The following FGF18 variants were observed in gnomAD, a reference collection of about 807,000 sequenced individuals.
FGF18 encodes the protein fibroblast growth factor 18.
In FGF18, 5 loss-of-function variants were observed where a neutral mutation model predicts 23.0. The ratio of observed to expected loss-of-function variants is 0.22; its 90% CI spans 0.11 to 0.46. The LOEUF (loss-of-function observed/expected upper bound fraction) is 0.46. FGF18 is among the 20% of genes least tolerant of loss of function. The pLI, the probability that FGF18 is intolerant of heterozygous loss-of-function variation, is 0.99. For synonymous variants in FGF18, 117 were observed against 118.9 expected, an observed-to-expected ratio of 0.98 and a Z score of 0.10; for missense variants, 180 against 291.6, an observed-to-expected ratio of 0.62 and a Z score of 2.79.
At position 171,420,081 on chromosome 5, in the gene FGF18, G is replaced by A. The variant is rs1003020509; in HGVS notation, c.-119G>A. 7 of 805,270 alleles carry A rather than the reference G, an allele frequency of 8.7e-6. No individual in the cohort carries two copies. In the East Asian group the frequency reaches 1.8e-4, roughly 21 times the overall value. 49.9% of individuals were successfully genotyped at this position (805,270 alleles called of 1,614,324 possible). On this transcript the variant is annotated 5_prime_UTR_variant, in exon 1 of 5. Transcript: ENST00000274625. ...GTCTGCAGCAGCAGCAGCCGGCGAG[G>A]AGGGAGCAGCAGCAGCGGCGGCGGC... is the stretch of plus-strand genomic sequence containing the variant.
In FGF18 at chr5:171,457,499, A is replaced by G. The variant is rs1453214024; in HGVS notation, c.*694A>G. The G allele has an allele frequency of 6.6e-6, 1 of 151,682 alleles. No homozygotes were observed. The highest frequency in any genetic ancestry group is 1.5e-5 in the Non-Finnish European group (1 of 67,992). The allele number at this position is 151,682 out of a possible 1,614,324, so 9.4% of individuals were successfully genotyped here. A position where few individuals can be genotyped will look rare whatever the true frequency, so the allele number is the denominator to read the frequency against. Reference sequence around the variant, plus strand: ...ACCAATGATAAGGGAATATTTTAAAACCAGCTATATTATATATATTATATA... The same window carrying G: ...ACCAATGATAAGGGAATATTTTAAAGCCAGCTATATTATATATATTATATA... On this transcript the variant is annotated 3_prime_UTR_variant, in exon 5 of 5. Transcript: ENST00000274625.
chr5:171,445,657 C>T (rs1046095235), intron 3 of FGF18, among the ~76,000 whole-genome samples: 2 of 152,038 alleles, frequency 1.3e-5, no homozygotes, highest in African/African-American at 2.4e-5. Flanking sequence ...TGAGCCACAG[C>T]GCCTGGCAAA....
chr5:171,420,313 C>T, intron 1 of FGF18, 82 bp downstream of exon 1: 2 of 1,606,256 alleles, frequency 1.2e-6, no homozygotes, highest in Non-Finnish European at 8.5e-7. Context: ...TCTGCCCGCC[C>T]GTCGGTTCAC....
intron 3 of FGF18, among the ~76,000 whole-genome samples, chr5:171,444,039 C>A (rs913239668): frequency 1.6e-5 from 2 of 125,104 alleles, no homozygotes; most frequent in Non-Finnish European, 3.4e-5. Flanking sequence ...GCAGCCCAGC[C>A]CTGGGTGGTC....
chr5:171,427,147 C>T (rs1023574941), intron 2 of FGF18, among the ~76,000 whole-genome samples: 1 of 150,062 alleles, frequency 6.7e-6, no homozygotes, highest in African/African-American at 2.5e-5. Flanking sequence ...ACGGAGGTTG[C>T]GGTGAGCCAA....
intron 2 of FGF18, among the ~76,000 whole-genome samples, chr5:171,426,002 C>T (rs1772083604): frequency 6.6e-6 from 1 of 152,216 alleles, no homozygotes; most frequent in South Asian, 2.1e-4. Context: ...GGCTCTAGGA[C>T]TCAAGCTTAC....
intron 3 of FGF18, among the ~76,000 whole-genome samples, chr5:171,443,654 A>G (rs1339135316): frequency 6.6e-6 from 1 of 151,876 alleles, no homozygotes; most frequent in African/African-American, 2.4e-5. Context: ...CTGGCCTGTT[A>G]TCATCATTCT....
At chr5:171,450,797 G>A (rs1038939344) in intron 4 of FGF18, among the ~76,000 whole-genome samples, 10 of 152,044 alleles carry the variant, frequency 6.6e-5, no homozygotes, top group Non-Finnish European at 1.3e-4. Context: ...GGCCTGGCCG[G>A]TCGTTTCCTG....
intron 2 of FGF18, among the ~76,000 whole-genome samples, chr5:171,429,622 T>C (rs1395021737): frequency 2.0e-5 from 3 of 152,174 alleles, no homozygotes; most frequent in African/African-American, 7.2e-5. Context: ...AGGAGCCAGG[T>C]GGTGTGGAAT....
chr5:171,449,161 G>A lies in FGF18; in HGVS notation c.265G>A (p.Glu89Lys). The change falls in exon 4 of 5, where the codon GAG becomes AAG. Residue 89 changes from glutamate (E) to lysine (K), a missense_variant. Glu to Lys is a moderately conservative substitution (Grantham distance 56, BLOSUM62 1). Around this residue, in one of 3 missense-constraint regions of FGF18, gnomAD observed 83 missense variants for 190.4 expected, o/e 0.44. Coordinates refer to ENST00000274625, the MANE Select transcript of FGF18 (RefSeq NM_003862.3). Reference sequence around the variant, plus strand: ...GCCTTTCGAAGCCCAGCTCCTAGTGGAGACAGACACCTTCGGTAGTCAAGT... The same window carrying A: ...GCCTTTCGAAGCCCAGCTCCTAGTGAAGACAGACACCTTCGGTAGTCAAGT... The part of the protein sequence containing the change: ...DGDKYAQLLV[E>K]TDTFGSQVRI... The A allele has an allele frequency of 6.2e-7, 1 of 1,613,824 alleles. No individual in the cohort carries two copies. The highest frequency in any genetic ancestry group is 8.5e-7 in the Non-Finnish European group (1 of 1,179,786).
chr5:171,449,706 G>C (rs909829923), intron 4 of FGF18, among the ~76,000 whole-genome samples: 2 of 152,192 alleles, frequency 1.3e-5, no homozygotes, highest in Non-Finnish European at 2.9e-5. Flanking sequence ...TCCTGCAGCA[G>C]TGACCTCTGG....
intron 3 of FGF18, among the ~76,000 whole-genome samples, chr5:171,443,768 C>G (rs1772381037): frequency 6.6e-6 from 1 of 152,128 alleles, no homozygotes; most frequent in Non-Finnish European, 1.5e-5. Flanking sequence ...TCCCCCTTTG[C>G]TGCTCTCCTT....
At chr5:171,423,347 G>C (rs1772045434) in intron 2 of FGF18, among the ~76,000 whole-genome samples, 1 of 152,262 alleles carries the variant, frequency 6.6e-6, no homozygotes, top group African/African-American at 2.4e-5. Context: ...GGCGTGACCA[G>C]TAAATTGCTT....
intron 3 of FGF18, among the ~76,000 whole-genome samples, chr5:171,447,692 G>A (rs1245500560): frequency 2.6e-5 from 4 of 152,098 alleles, no homozygotes; most frequent in African/African-American, 9.7e-5. Context: ...TCACAGCAGG[G>A]CACCAGGGTC....
At chr5:171,441,423 C>T (rs1364250704) in intron 3 of FGF18, among the ~76,000 whole-genome samples, 1 of 152,218 alleles carries the variant, frequency 6.6e-6, no homozygotes, top group Non-Finnish European at 1.5e-5. Context: ...TGGCCACAGC[C>T]ACAGCAGCCT....
intron 4 of FGF18, among the ~76,000 whole-genome samples, chr5:171,454,018 G>A (rs551609843): frequency 1.3e-5 from 2 of 152,240 alleles, no homozygotes; most frequent in East Asian, 3.9e-4. Flanking sequence ...CTGAGAAGCA[G>A]CCCTGACCTC....
intron 3 of FGF18, among the ~76,000 whole-genome samples, chr5:171,448,882 A>G (rs561160307): frequency 6.6e-6 from 1 of 152,148 alleles, no homozygotes; most frequent in Admixed American, 6.5e-5. Flanking sequence ...CTGGATCCCA[A>G]GTGGAGCCAA....
intron 2 of FGF18, among the ~76,000 whole-genome samples, chr5:171,435,327 C>T (rs950478750): frequency 6.6e-6 from 1 of 152,158 alleles, no homozygotes; most frequent in African/African-American, 2.4e-5. Flanking sequence ...AGTGAGGAGG[C>T]AGGTGCAAGT....
rs762811571 is a variant in FGF18, at chr5:171,420,458, G to C, written c.69+15G>C. On this transcript the variant is annotated intron_variant, in intron 2 of 4. Coordinates refer to ENST00000274625, the MANE Select transcript of FGF18 (RefSeq NM_003862.3). The stretch of plus-strand genomic sequence containing the variant: ...TCCAGGTACAGGTACGTGGGCTCCT[G>C]ACTTTGACCTCCTCCCGCCCCTGCC... The C allele has an allele frequency of 1.2e-6, 2 of 1,612,370 alleles. No individual in the cohort carries two copies. The highest frequency in any genetic ancestry group is 3.3e-5 in the Admixed American group (2 of 59,866).
Sources: gnomAD v4.1 joint callset for allele counts (sites outside exome capture counted in the v4.1 genomes callset) on GRCh38, gnomAD v4.1.1 for gene constraint, gnomAD v4.1.1 regional missense constraint, MANE v1.5 for transcripts, NCBI Gene and HGNC (gene_info 2026-07-23, HGNC 2026-07-21) for gene names.